Variants in VPS8 observed in about 807,000 individuals in gnomAD.
VPS8 encodes VPS8 subunit of CORVET complex.
In VPS8, 129 loss-of-function variants were observed where a neutral mutation model predicts 216.4. The observed-to-expected ratio is 0.60, with a 90% CI of 0.52 to 0.69. The LOEUF (loss-of-function observed/expected upper bound fraction) is 0.69, where lower values mean the gene tolerates loss of function less well. VPS8 is among the 30% of genes least tolerant of loss of function. The pLI, the probability that VPS8 is intolerant of heterozygous loss-of-function variation, is 0.00. For synonymous variants in VPS8, 571 were observed against 565.4 expected, an observed-to-expected ratio of 1.01 and a Z score of -0.14; for missense variants, 1,531 against 1,683.5, an observed-to-expected ratio of 0.91 and a Z score of 1.59.
chr3:184,950,243 T>C (rs1033034383), intron 36 of VPS8, among the ~76,000 whole-genome samples: 3 of 143,542 alleles, frequency 2.1e-5, no homozygotes, highest in Admixed American at 7.1e-5. Context: ...TTTTTTTTTT[T>C]TACTCTAGCT....
chr3:185,009,637 A>T lies in VPS8; in HGVS notation c.4002+9776A>T, dbSNP rs1754728319. On this transcript the variant is annotated intron_variant, in intron 45 of 47. Coordinates refer to ENST00000625842, the MANE Select transcript of VPS8 (RefSeq NM_001009921.3). The stretch of plus-strand genomic sequence containing the variant: ...GGGGGGTAGGGAAGGGGCAAAATAT[A>T]TAAAATAATGGTTCATAAGACATTG... 3.9e-5 allele frequency among the ~76,000 whole-genome samples: 6 copies of T among 152,276 alleles called. No individual in the cohort carries two copies. The South Asian group carries it at 1.2e-3, about 32-fold the overall frequency.
chr3:184,850,039 C>A lies in VPS8; in HGVS notation c.753+17C>A. On this transcript the variant is annotated intron_variant, in intron 10 of 47. Coordinates refer to ENST00000625842, the MANE Select transcript of VPS8 (RefSeq NM_001009921.3). ...CATATCAAGGTAAGAGCTTTATTTT[C>A]TTTTCCTAATAATTTTTTTATTATG... is the stretch of plus-strand genomic sequence containing the variant. 1.9e-6 allele frequency: 3 copies of A among 1,581,058 alleles called. No homozygotes were observed. The highest frequency in any genetic ancestry group is 2.6e-6 in the Non-Finnish European group (3 of 1,166,480).
chr3:184,898,730 A>C (rs897837692), intron 24 of VPS8, 76 bp downstream of exon 24: 4 of 1,137,090 alleles, frequency 3.5e-6, no homozygotes, highest in Non-Finnish European at 4.9e-6. Flanking sequence ...ATTTGCTTTT[A>C]ATAGTTTCTA....
At chr3:185,016,586 G>C (rs955708063) in intron 45 of VPS8, among the ~76,000 whole-genome samples, 1 of 152,194 alleles carries the variant, frequency 6.6e-6, no homozygotes, top group African/African-American at 2.4e-5. Context: ...TAAGAGGATA[G>C]TAAAGAAATA....
At chr3:185,020,781 C>G (rs938598997) in intron 45 of VPS8, among the ~76,000 whole-genome samples, 5 of 152,126 alleles carry the variant, frequency 3.3e-5, no homozygotes, top group African/African-American at 1.2e-4. Context: ...ATTTTAACAA[C>G]AACAACAAAA....
chr3:184,854,027 G>T lies in VPS8; in HGVS notation c.975+17G>T. On this transcript the variant is annotated intron_variant, in intron 12 of 47. Coordinates refer to ENST00000625842, the MANE Select transcript of VPS8 (RefSeq NM_001009921.3). Reference sequence around the variant, plus strand: ...TTGACAAAAGTAAGTGTATTTAGAAGTTAAAACTCAGAACTTTTAGAAGCT... The same window carrying T: ...TTGACAAAAGTAAGTGTATTTAGAATTTAAAACTCAGAACTTTTAGAAGCT... 6.2e-7 allele frequency: 1 copy of T among 1,613,124 alleles called. No homozygotes were observed.
intron 30 of VPS8, 148 bp downstream of exon 30, chr3:184,925,129 G>T (rs182753405): frequency 3.1e-5 from 33 of 1,069,222 alleles, no homozygotes; most frequent in Admixed American, 2.0e-4. Context: ...AAGTTAGGGG[G>T]GTATGTGTAT....
intron 6 of VPS8, 136 bp from the exon 7 acceptor site, chr3:184,839,562 G>C: frequency 1.3e-6 from 1 of 797,974 alleles, no homozygotes; most frequent in East Asian, 2.9e-5. Flanking sequence ...TTGCCTCCTG[G>C]ATGAAATTCT....
In VPS8 at chr3:184,979,441, G is replaced by A. The variant is rs538025753; in HGVS notation, c.3421-3125G>A. On this transcript the variant is annotated intron_variant, in intron 40 of 47. Coordinates refer to ENST00000625842, the MANE Select transcript of VPS8 (RefSeq NM_001009921.3). The stretch of plus-strand genomic sequence containing the variant: ...ATTATTGTGTGATTATCTAAGTCTC[G>A]TCATAGGTTTCTAAGAACTTGTATT... Among the ~76,000 whole-genome samples the A allele has an allele frequency of 1.6e-4, 25 of 152,234 alleles. No individual in the cohort carries two copies. The East Asian group carries it at 2.3e-3, about 14-fold the overall frequency.
At chr3:184,944,460 C>T (rs1195015722) in intron 36 of VPS8, 1 of 978,990 alleles carries the variant, frequency 1.0e-6, no homozygotes, top group Non-Finnish European at 1.2e-6. Flanking sequence ...CATGAATTCT[C>T]ACAGGAGTTC....
rs569075384 is a variant in VPS8 at position 184,862,517 on chromosome 3, C to T, written c.1225-380C>T. Among the ~76,000 whole-genome samples, 26 of 152,214 alleles carry T rather than the reference C, an allele frequency of 1.7e-4. 1 individual carries two copies. Among genetic ancestry groups the T allele is most frequent in the South Asian group, 1.2e-3 (6 of 4,816 alleles). ...TTGTCCTCTGACCAGCTAGGTTTAT[C>T]GGCTTTACTTTGTTCTTTTGTTTCA... On this transcript the variant is annotated intron_variant, in intron 15 of 47. Coordinates refer to ENST00000625842, the MANE Select transcript of VPS8 (RefSeq NM_001009921.3).
intron 25 of VPS8, among the ~76,000 whole-genome samples, chr3:184,906,796 G>A (rs1278660290): frequency 6.6e-6 from 1 of 152,140 alleles, no homozygotes; most frequent in Admixed American, 6.5e-5. Context: ...AGCTTGTAGA[G>A]GTGCGATTGT....
chr3:184,822,046 T>C (rs1717711892), intron 1 of VPS8, among the ~76,000 whole-genome samples: 1 of 150,688 alleles, frequency 6.6e-6, no homozygotes, highest in African/African-American at 2.5e-5. Context: ...CAATATTCCA[T>C]TTTAATGATA....
At chr3:184,971,809 C>A in intron 40 of VPS8, 57 bp downstream of exon 40, 1 of 1,451,888 alleles carries the variant, frequency 6.9e-7, no homozygotes, top group Non-Finnish European at 9.5e-7. Context: ...ACATGGTGGC[C>A]CACGTCTGTA....
At chr3:184,843,025 A>G (rs924802520) in intron 7 of VPS8, among the ~76,000 whole-genome samples, 1 of 151,898 alleles carries the variant, frequency 6.6e-6, no homozygotes, top group Non-Finnish European at 1.5e-5. Context: ...ACTTTGCTCT[A>G]ATGAGAGTAT....
At chr3:185,018,439 G>T (rs1436016322) in intron 45 of VPS8, among the ~76,000 whole-genome samples, 1 of 152,182 alleles carries the variant, frequency 6.6e-6, no homozygotes, top group African/African-American at 2.4e-5. Context: ...GACCACTTGG[G>T]CATCTAAACC....
At chr3:184,938,641 C>CTTTTTTTTT (rs1298836777) in intron 35 of VPS8, among the ~76,000 whole-genome samples, 3 of 138,128 alleles carry the variant, frequency 2.2e-5, no homozygotes, top group Non-Finnish European at 3.0e-5. Flanking sequence ...CTTTTCTTTT[C>CTTTTTTTTT]TTTTTTTCTT....
intron 22 of VPS8, 148 bp downstream of exon 22, chr3:184,886,304 C>G: frequency 1.3e-6 from 1 of 747,692 alleles, no homozygotes; most frequent in Non-Finnish European, 2.1e-6. Context: ...GTTTTCAGTT[C>G]ATTTACCTAA....
intron 25 of VPS8, among the ~76,000 whole-genome samples, chr3:184,909,101 A>C (rs1408415211): frequency 6.6e-6 from 1 of 152,096 alleles, no homozygotes; most frequent in Non-Finnish European, 1.5e-5. Flanking sequence ...TAGGCATTTG[A>C]CTACCCCCTG....
Sources: allele counts gnomAD v4.1 joint callset (sites outside exome capture counted in the v4.1 genomes callset), GRCh38; gene constraint gnomAD v4.1.1; transcripts MANE v1.5; gene names NCBI Gene and HGNC (gene_info 2026-07-23, HGNC 2026-07-21).